The following FHDC1 variants were observed in gnomAD, a reference collection of about 807,000 sequenced individuals.
FHDC1 encodes FH2 domain-containing protein 1.
A neutral mutation model predicts 52.6 loss-of-function variants in FHDC1; 25 were observed. The ratio of observed to expected loss-of-function variants is 0.48; its 90% CI spans 0.35 to 0.66. FHDC1 has a LOEUF of 0.66. Among genes scored for constraint, FHDC1 ranks in the 30% least tolerant of loss-of-function variants. The pLI is 0.01. For synonymous variants in FHDC1, 616 were observed against 581.5 expected, an observed-to-expected ratio of 1.06 and a Z score of -0.85; for missense variants, 1,459 against 1,452.8, an observed-to-expected ratio of 1.00 and a Z score of -0.07.
chr4:152,919,552 G>T, the FHDC1 span, among the ~76,000 whole-genome samples: 1 of 152,144 alleles, frequency 6.6e-6, no homozygotes, highest in Non-Finnish European at 1.5e-5. Context: ...TATTATTTCT[G>T]TGTAGCCTTT....
chr4:152,951,110 T>C (rs998506417), intron 2 of FHDC1, among the ~76,000 whole-genome samples: 1 of 151,844 alleles, frequency 6.6e-6, no homozygotes, highest in African/African-American at 2.4e-5. Context: ...CAGTCAAGGG[T>C]TGAATGTAGC....
chr4:152,920,249 G>T, the FHDC1 span, among the ~76,000 whole-genome samples: 2 of 151,944 alleles, frequency 1.3e-5, no homozygotes, highest in African/African-American at 4.8e-5. Context: ...ACCTGGCCTG[G>T]GAAGTTCTTT....
intron 2 of FHDC1, among the ~76,000 whole-genome samples, chr4:152,952,170 G>A (rs1739946747): frequency 6.6e-6 from 1 of 152,154 alleles, no homozygotes; most frequent in African/African-American, 2.4e-5. Context: ...TTGGACATAT[G>A]TAAACTTTTT....
In FHDC1 at chr4:152,936,920, G is replaced by C. The variant is rs545614469; in HGVS notation, c.-131+511G>C. On this transcript the variant is annotated intron_variant, in intron 1 of 11. Transcript: ENST00000511601. ...GCCTGGCCCCTGACACAGTGGTGGG[G>C]CGGTGGCGGGGACCTAGTGCGGTGG... Among the ~76,000 whole-genome samples, 4 of 152,372 alleles carry C rather than the reference G, an allele frequency of 2.6e-5. No individual in the cohort carries two copies. In the East Asian group the frequency reaches 7.7e-4, roughly 29 times the overall value.
At chr4:152,928,015 C>T in the FHDC1 span, 11 of 1,462,750 alleles carry the variant, frequency 7.5e-6, no homozygotes, top group Non-Finnish European at 9.6e-6. Flanking sequence ...GCAAGTCTCT[C>T]AGAAACACCT....
At chr4:152,942,819 G>T in intron 1 of FHDC1, 109 bp from the exon 2 acceptor site, 1 of 452,486 alleles carries the variant, frequency 2.2e-6, no homozygotes, top group Non-Finnish European at 3.9e-6. Context: ...GCCCCTCATT[G>T]ATTTTCATAT....
chr4:152,939,491 T>G (rs1739516096), intron 1 of FHDC1, among the ~76,000 whole-genome samples: 2 of 152,216 alleles, frequency 1.3e-5, no homozygotes, highest in Non-Finnish European at 2.9e-5. Flanking sequence ...GCGGGCTGTT[T>G]AGGCAGGAGA....
chr4:152,958,026 T>G (rs1327935484), intron 4 of FHDC1, among the ~76,000 whole-genome samples: 1 of 152,176 alleles, frequency 6.6e-6, no homozygotes, highest in Non-Finnish European at 1.5e-5. Flanking sequence ...GCTGGACATT[T>G]GTAGTATCTC....
the FHDC1 span, chr4:152,927,856 T>G: frequency 6.3e-6 from 9 of 1,422,012 alleles, no homozygotes; most frequent in Non-Finnish European, 8.9e-6. Flanking sequence ...AGAAACTGAC[T>G]GTGAAGCCCT....
chr4:152,967,078 C>T (rs1189062829), intron 9 of FHDC1, among the ~76,000 whole-genome samples: 2 of 152,164 alleles, frequency 1.3e-5, no homozygotes, highest in Admixed American at 1.3e-4. Flanking sequence ...CATGATCTTG[C>T]CACTGCTCTT....
chr4:152,934,291 C>T (rs1158584616), upstream of FHDC1, among the ~76,000 whole-genome samples: 2 of 151,996 alleles, frequency 1.3e-5, no homozygotes, highest in Non-Finnish European at 2.9e-5. Context: ...ACAGAAAAAC[C>T]AGGTCTTAGG....
intron 9 of FHDC1, 78 bp downstream of exon 9, chr4:152,965,053 C>G: frequency 7.3e-7 from 1 of 1,364,530 alleles, no homozygotes; most frequent in Non-Finnish European, 1.0e-6. Flanking sequence ...CTTTTAGATT[C>G]CAGTTTGAAG....
intron 2 of FHDC1, among the ~76,000 whole-genome samples, chr4:152,949,103 TAATAATAATAATA>T (rs1739825777): frequency 3.3e-5 from 2 of 61,018 alleles, no homozygotes; most frequent in Non-Finnish European, 6.2e-5. Context: ...ATAATAATAA[TAATAATAATAATA>T]ATAATAATAA....
At position 152,967,405 on chromosome 4, in the gene FHDC1, T is replaced by A. The variant is rs1017305149; in HGVS notation, c.1101-575T>A. Among the ~76,000 whole-genome samples the A allele has an allele frequency of 7.2e-5, 11 of 152,096 alleles. No homozygotes were observed. The East Asian group carries it at 2.1e-3, about 29-fold the overall frequency. ...TCAGGCCACTGCAATCCAGCCTGAGTGACAGAGGGAGATTGTGTCTCAAAA... is the reference window on the plus strand; with the variant it reads ...TCAGGCCACTGCAATCCAGCCTGAGAGACAGAGGGAGATTGTGTCTCAAAA... On this transcript the variant is annotated intron_variant, in intron 9 of 11. Coordinates refer to ENST00000511601, the MANE Select transcript of FHDC1 (RefSeq NM_001371116.1).
chr4:152,934,304 AAG>A (rs1739306818), upstream of FHDC1, among the ~76,000 whole-genome samples: 1 of 152,196 alleles, frequency 6.6e-6, no homozygotes. Context: ...GTCTTAGGTA[AAG>A]AGGGGGAGGT....
the FHDC1 span, chr4:152,916,927 A>T: frequency 6.6e-6 from 1 of 152,138 alleles, no homozygotes; most frequent in African/African-American, 2.4e-5. Context: ...CTCATTTCCA[A>T]ATTGAAGCTT....
At chr4:152,973,120 C>A (rs895823233) in intron 11 of FHDC1, among the ~76,000 whole-genome samples, 5 of 152,218 alleles carry the variant, frequency 3.3e-5, no homozygotes, top group Non-Finnish European at 7.3e-5. Flanking sequence ...CTTCAACCAC[C>A]AATTCCAGTC....
chr4:152,921,591 TC>T, the FHDC1 span, among the ~76,000 whole-genome samples: 22,845 of 131,668 alleles, frequency 0.17, 1,877 homozygotes, highest in South Asian at 0.21. Flanking sequence ...CCTTCCTCCC[TC>T]CCTCCCTCCC....
In FHDC1 at chr4:152,976,502, G is replaced by A; in HGVS notation, c.3211G>A (p.Val1071Met). ...TRTVSQRQLR[V>M]KGDPEDAAPK... Reference sequence around the variant, plus strand: ...GACAGTGTCGCAGCGGCAGCTGAGGGTGAAAGGGGACCCCGAGGATGCCGC... The same window carrying A: ...GACAGTGTCGCAGCGGCAGCTGAGGATGAAAGGGGACCCCGAGGATGCCGC... The change falls in exon 12 of 12, where the codon GTG becomes ATG. Residue 1071 changes from valine (V) to methionine (M), a missense_variant. Val to Met is a conservative substitution (Grantham distance 21). Around this residue, in one of 3 missense-constraint regions of FHDC1, gnomAD observed 939 missense variants for 854.5 expected, o/e 1.10. Transcript: ENST00000511601. 6.2e-7 allele frequency: 1 copy of A among 1,613,462 alleles called. No individual in the cohort carries two copies. Among genetic ancestry groups the A allele is most frequent in the Non-Finnish European group, 8.5e-7 (1 of 1,180,028 alleles).
Sources: allele counts gnomAD v4.1 joint callset (sites outside exome capture counted in the v4.1 genomes callset), GRCh38; gene constraint gnomAD v4.1.1; regional missense constraint gnomAD v4.1.1; transcripts MANE v1.5; gene names NCBI Gene and HGNC (gene_info 2026-07-23, HGNC 2026-07-21).